Variants in FAM184B observed in about 807,000 individuals in gnomAD.
FAM184B encodes the protein family with sequence similarity 184 member B.
FAM184B carries 111 observed loss-of-function variants against 135.9 expected under a neutral mutation model. The observed-to-expected ratio is 0.82, with a 90% CI of 0.70 to 0.96. The LOEUF is 0.96. Ranked by LOEUF, FAM184B falls within the 40% of genes least tolerant of loss-of-function variation. The probability of loss-of-function intolerance (pLI) is 0.00; values close to 1 mark genes in which losing one functional copy is unlikely to be tolerated. For missense variants in FAM184B, 1,375 were observed against 1,323.9 expected (o/e 1.04, Z -0.60); for synonymous variants, 552 against 524.8 (o/e 1.05, Z -0.71).
chr4:17,719,188 T>A (rs982151360), intron 1 of FAM184B, among the ~76,000 whole-genome samples: 1 of 152,158 alleles, frequency 6.6e-6, no homozygotes, highest in Non-Finnish European at 1.5e-5. Flanking sequence ...TTTGGGGCCA[T>A]TATGAGGTAA....
intron 7 of FAM184B, among the ~76,000 whole-genome samples, chr4:17,687,740 C>A (rs1000544667): frequency 1.3e-5 from 2 of 152,098 alleles, no homozygotes; most frequent in Admixed American, 6.5e-5. Flanking sequence ...GGCCAAGGAA[C>A]AAAAGGACTG....
chr4:17,655,063 C>T (rs1011323531), intron 10 of FAM184B, among the ~76,000 whole-genome samples: 1 of 152,124 alleles, frequency 6.6e-6, no homozygotes, highest in Non-Finnish European at 1.5e-5. Context: ...CCAGGCTAAC[C>T]TCAAACTCCT....
At chr4:17,698,678 G>A (rs775176833) in intron 5 of FAM184B, among the ~76,000 whole-genome samples, 2 of 152,164 alleles carry the variant, frequency 1.3e-5, no homozygotes, top group Non-Finnish European at 2.9e-5. Flanking sequence ...GGCTTAACTA[G>A]AGTTAGAGAA....
intron 7 of FAM184B, among the ~76,000 whole-genome samples, chr4:17,681,085 C>T (rs1288807902): frequency 6.6e-6 from 1 of 152,194 alleles, no homozygotes; most frequent in Non-Finnish European, 1.5e-5. Flanking sequence ...TATGCTTTCT[C>T]CTGTTCATTA....
chr4:17,755,096 CA>C (rs1252688207), intron 1 of FAM184B, among the ~76,000 whole-genome samples: 3 of 152,096 alleles, frequency 2.0e-5, no homozygotes, highest in Admixed American at 1.3e-4. Context: ...TGGCCTCAAG[CA>C]ATCCTCCTGC....
intron 1 of FAM184B, among the ~76,000 whole-genome samples, chr4:17,774,999 T>TC (rs1033444643): frequency 3.0e-5 from 4 of 134,212 alleles, no homozygotes; most frequent in African/African-American, 1.1e-4. Flanking sequence ...TTTCTTTTTT[T>TC]TTTTTTTTTT....
Position 17,781,379 on chromosome 4 carries a change from C to A in FAM184B, c.-80G>T. 7.2e-7 allele frequency: 1 copy of A among 1,396,964 alleles called. No homozygotes were observed. The highest frequency in any genetic ancestry group is 9.3e-7 in the Non-Finnish European group (1 of 1,069,570). The allele number at this position is 1,396,964 out of a possible 1,614,324, so 86.5% of individuals were successfully genotyped here. A position where few individuals can be genotyped will look rare whatever the true frequency, so the allele number is the denominator to read the frequency against. Reference sequence around the variant, plus strand: ...GCACGTGCGTGCGCGCGCGGGCGTGCGAGCGTGTGGGTTTCTCGGGAGAGG... The same window carrying A: ...GCACGTGCGTGCGCGCGCGGGCGTGAGAGCGTGTGGGTTTCTCGGGAGAGG... On this transcript the variant is annotated 5_prime_UTR_variant, in exon 1 of 18. Coordinates refer to ENST00000265018, the MANE Select transcript of FAM184B (RefSeq NM_015688.2). The surrounding 1 kb of genome is among the most constrained non-coding windows in gnomAD (Gnocchi z 6.5).
chr4:17,730,962 T>C (rs1717760796), intron 1 of FAM184B, among the ~76,000 whole-genome samples: 1 of 152,184 alleles, frequency 6.6e-6, no homozygotes, highest in South Asian at 2.1e-4. Flanking sequence ...GGAGCCAATG[T>C]GATCAACTGG....
intron 1 of FAM184B, among the ~76,000 whole-genome samples, chr4:17,771,777 C>T (rs373915241): frequency 6.2e-4 from 95 of 152,256 alleles, no homozygotes; most frequent in African/African-American, 1.4e-3. Flanking sequence ...TTTCCAAGTT[C>T]GACAACTGGG....
intron 1 of FAM184B, among the ~76,000 whole-genome samples, chr4:17,770,671 G>A (rs1718801603): frequency 6.6e-6 from 1 of 152,116 alleles, no homozygotes; most frequent in Admixed American, 6.5e-5. Flanking sequence ...TCACCATGTT[G>A]TCCAGGCTGG....
At position 17,635,106 on chromosome 4, in the gene FAM184B, C is replaced by G; in HGVS notation, c.2792G>C (p.Arg931Thr). The change falls in exon 16 of 18, where the codon AGA becomes ACA. Residue 931 changes from arginine (R) to threonine (T), a missense_variant. Physicochemically the swap from Arg to Thr is moderately conservative, Grantham distance 71 (BLOSUM62 -1). Coordinates refer to ENST00000265018, the MANE Select transcript of FAM184B (RefSeq NM_015688.2). ...GGGGAATGCTGCGTAGTGAAATCTT[C>G]TCTCTTCCTAGAAAACCAATACAAC... ...EDIIKQLTEE[R>T]RFHYAAFPSA... The G allele has an allele frequency of 6.4e-7, 1 of 1,551,390 alleles. No homozygotes were observed. The highest frequency in any genetic ancestry group is 2.4e-5 in the East Asian group (1 of 40,912).
intron 1 of FAM184B, among the ~76,000 whole-genome samples, chr4:17,769,043 T>A (rs186057740): frequency 1.3e-5 from 2 of 152,062 alleles, no homozygotes. Flanking sequence ...CCTCAGGTGA[T>A]CCACCCGCCT....
At chr4:17,638,617 G>A (rs1287007917) in intron 14 of FAM184B, among the ~76,000 whole-genome samples, 1 of 152,162 alleles carries the variant, frequency 6.6e-6, no homozygotes, top group Non-Finnish European at 1.5e-5. Context: ...GGCATACAAT[G>A]GGTCCTTAAC....
In FAM184B at chr4:17,781,556, C is replaced by T. The variant is rs1719035733; in HGVS notation, c.-257G>A. The T allele has an allele frequency of 4.8e-6, 2 of 414,640 alleles. No individual in the cohort carries two copies. The highest frequency in any genetic ancestry group is 8.5e-6 in the Non-Finnish European group (2 of 235,166). 25.7% of individuals were successfully genotyped at this position (414,640 alleles called of 1,614,324 possible). On this transcript the variant is annotated 5_prime_UTR_variant, in exon 1 of 18. Coordinates refer to ENST00000265018, the MANE Select transcript of FAM184B (RefSeq NM_015688.2). This position sits in a 1 kb window ranked among gnomAD's most constrained non-coding sequence, Gnocchi z 6.5. ...CGGGCACCCGCACCCTGCGGCGAGG[C>T]GTCGGCGCCCCGCACGTGCCGCTGG...
In FAM184B at chr4:17,747,959, A is replaced by G. The variant is rs570058668; in HGVS notation, c.141+33200T>C. ...AAAAAAAAAAAAAAATTCAAAAATT[A>G]GCCAGGCATGGTGGCGCATGCCTGT... is the stretch of plus-strand genomic sequence containing the variant. On this transcript the variant is annotated intron_variant, in intron 1 of 17. Transcript: ENST00000265018. Among the ~76,000 whole-genome samples the G allele has an allele frequency of 4.2e-5, 6 of 143,842 alleles. No individual in the cohort carries two copies. The East Asian group carries it at 1.2e-3, about 29-fold the overall frequency. The allele number at this position is 143,842 out of a possible 152,430, so 94.4% of individuals were successfully genotyped here. A position where few individuals can be genotyped will look rare whatever the true frequency, so the allele number is the denominator to read the frequency against.
At chr4:17,632,814 C>T (rs1715000986) in intron 17 of FAM184B, 189 bp from the exon 18 acceptor site, 1 of 508,924 alleles carries the variant, frequency 2.0e-6, no homozygotes, top group African/African-American at 1.9e-5. Context: ...ACCTAATCCT[C>T]ATTTGGAAAA....
chr4:17,687,108 A>G (rs1716606702), intron 7 of FAM184B, among the ~76,000 whole-genome samples: 2 of 152,176 alleles, frequency 1.3e-5, no homozygotes, highest in African/African-American at 4.8e-5. Context: ...GGAGTATGCC[A>G]TGGGGGCTGT....
At chr4:17,639,788 G>A (rs912496499) in intron 13 of FAM184B, among the ~76,000 whole-genome samples, 5 of 151,920 alleles carry the variant, frequency 3.3e-5, no homozygotes, top group Non-Finnish European at 7.4e-5. Flanking sequence ...TGGGAGACCA[G>A]GTCTTCCCTA....
At chr4:17,761,994 G>T (rs2108992888) in intron 1 of FAM184B, among the ~76,000 whole-genome samples, 1 of 151,854 alleles carries the variant, frequency 6.6e-6, no homozygotes, top group Non-Finnish European at 1.5e-5. Flanking sequence ...TCTCTTTTAT[G>T]GGCTAGCAAT....
Sources: allele counts gnomAD v4.1 joint callset (sites outside exome capture counted in the v4.1 genomes callset), GRCh38; gene constraint gnomAD v4.1.1; non-coding constraint Gnocchi (gnomAD v3.1); transcripts MANE v1.5; gene names NCBI Gene and HGNC (gene_info 2026-07-23, HGNC 2026-07-21).